RAD51B: variants seen among roughly 807,000 people sequenced by gnomAD.
RAD51B encodes DNA repair protein RAD51 homolog 2.
In RAD51B, 38 loss-of-function variants were observed where a neutral mutation model predicts 42.2. That is an observed-to-expected ratio of 0.90 (90% CI 0.70 to 1.18). The LOEUF is 1.18. RAD51B is among the 50% of genes most tolerant of loss of function. RAD51B has a pLI of 0.00. For synonymous variants in RAD51B, 154 were observed against 145.2 expected, an observed-to-expected ratio of 1.06 and a Z score of -0.43; for missense variants, 373 against 400.7, an observed-to-expected ratio of 0.93 and a Z score of 0.59.
intron 7 of RAD51B, 32 bp downstream of exon 7, chr14:67,887,236 T>C (rs775115775): frequency 6.6e-7 from 1 of 1,526,208 alleles, no homozygotes; most frequent in Admixed American, 1.8e-5. Context: ...TTTTTTCTTT[T>C]CCTTTCTTTT....
intron 4 of RAD51B, among the ~76,000 whole-genome samples, chr14:67,843,692 C>T (rs931848690): frequency 2.7e-5 from 4 of 149,304 alleles, no homozygotes; most frequent in South Asian, 4.2e-4. Flanking sequence ...TCTGTGGGGT[C>T]GATGGAATAT....
chr14:68,259,354 TGAG>T (rs942883616), intron 7 of RAD51B, among the ~76,000 whole-genome samples: 2 of 151,782 alleles, frequency 1.3e-5, no homozygotes, highest in African/African-American at 4.8e-5. Flanking sequence ...TAATGCTAAA[TGAG>T]GAGTTAATGG....
rs535089018 is a variant in RAD51B at position 68,219,718 on chromosome 14, C to T, written c.757-72166C>T. Among the ~76,000 whole-genome samples the T allele has an allele frequency of 3.3e-5, 5 of 152,228 alleles. No individual in the cohort carries two copies. The South Asian group carries it at 8.3e-4, about 25-fold the overall frequency. ...GAATCCCAGATCTTACCTCTGACAT[C>T]GTCTACCCAAATGAGAAGGAACTAG... On this transcript the variant is annotated intron_variant, in intron 7 of 10. Transcript: ENST00000471583.
intron 9 of RAD51B, among the ~76,000 whole-genome samples, chr14:68,421,275 C>T (rs2084691750): frequency 6.6e-6 from 1 of 152,108 alleles, no homozygotes; most frequent in African/African-American, 2.4e-5. Context: ...GAGCATTCGT[C>T]TTCTGGCTGC....
At chr14:68,254,321 G>C (rs1220617398) in intron 7 of RAD51B, among the ~76,000 whole-genome samples, 1 of 152,132 alleles carries the variant, frequency 6.6e-6, no homozygotes, top group Non-Finnish European at 1.5e-5. Flanking sequence ...TCTTGTCCTA[G>C]TTAGCATCAG....
intron 8 of RAD51B, among the ~76,000 whole-genome samples, chr14:68,314,127 C>G (rs928453277): frequency 1.3e-5 from 2 of 152,202 alleles, no homozygotes; most frequent in African/African-American, 4.8e-5. Context: ...GAGTCATTCT[C>G]TCTTCAGAGA....
chr14:68,338,728 T>C, intron 8 of RAD51B: 1 of 402,198 alleles, frequency 2.5e-6, no homozygotes, highest in South Asian at 2.2e-5. Context: ...CAGTGTACAT[T>C]TAACCCAGTT....
At chr14:68,601,613 C>G (rs953501866) in intron 10 of RAD51B, among the ~76,000 whole-genome samples, 1 of 152,156 alleles carries the variant, frequency 6.6e-6, no homozygotes, top group Non-Finnish European at 1.5e-5. Context: ...GAGTTTCATT[C>G]TTCATTCAGA....
At chr14:68,424,325 C>T (rs1409280034) in intron 9 of RAD51B, among the ~76,000 whole-genome samples, 1 of 152,162 alleles carries the variant, frequency 6.6e-6, no homozygotes, top group East Asian at 1.9e-4. Flanking sequence ...AATGAAGATT[C>T]CATCAATGTC....
intron 7 of RAD51B, among the ~76,000 whole-genome samples, chr14:68,201,160 A>AT (rs1405835705): frequency 6.6e-6 from 1 of 152,054 alleles, no homozygotes; most frequent in Non-Finnish European, 1.5e-5. Context: ...TTAAGAGAAA[A>AT]TTTTTTTCTC....
At chr14:68,430,934 T>C (rs536390051) in intron 9 of RAD51B, among the ~76,000 whole-genome samples, 17 of 152,330 alleles carry the variant, frequency 1.1e-4, no homozygotes, top group African/African-American at 4.1e-4. Flanking sequence ...CATCAATACC[T>C]AATTTATTGA....
At chr14:67,989,868 G>T (rs913417071) in intron 7 of RAD51B, among the ~76,000 whole-genome samples, 7 of 152,042 alleles carry the variant, frequency 4.6e-5, no homozygotes, top group Admixed American at 1.3e-4. Flanking sequence ...CCCAATTTAG[G>T]CAGTTTTATT....
chr14:68,177,042 T>G (rs1472567834), intron 7 of RAD51B, among the ~76,000 whole-genome samples: 2 of 152,184 alleles, frequency 1.3e-5, no homozygotes, highest in African/African-American at 2.4e-5. Flanking sequence ...AGTCCTTTTC[T>G]CTAGAGTGTA....
Position 68,197,274 on chromosome 14 carries a change from C to T in RAD51B, c.757-94610C>T, listed in dbSNP as rs150116283. 8.4e-3 allele frequency among the ~76,000 whole-genome samples: 1,275 copies of T among 152,288 alleles called. 17 individuals are homozygous for T. Among genetic ancestry groups the T allele is most frequent in the African/African-American group, 0.029 (1,211 of 41,568 alleles). ...TAGTTTTTCCTGTGCTTGAAACTCACATACGTAGAAATCAAGCACTGATAT... is the reference window on the plus strand; with the variant it reads ...TAGTTTTTCCTGTGCTTGAAACTCATATACGTAGAAATCAAGCACTGATAT... On this transcript the variant is annotated intron_variant, in intron 7 of 10. Transcript: ENST00000471583.
chr14:68,113,474 G>A (rs1036874102), intron 7 of RAD51B, among the ~76,000 whole-genome samples: 4 of 152,064 alleles, frequency 2.6e-5, no homozygotes, highest in African/African-American at 7.2e-5. Context: ...AATGAGGCTG[G>A]TGCAAATAAG....
intron 7 of RAD51B, among the ~76,000 whole-genome samples, chr14:68,165,220 T>C (rs2078724465): frequency 6.6e-6 from 1 of 152,220 alleles, no homozygotes; most frequent in Non-Finnish European, 1.5e-5. Context: ...TCAGATGTTC[T>C]TCTGTATGGA....
intron 7 of RAD51B, among the ~76,000 whole-genome samples, chr14:68,035,375 G>GT (rs3837657): frequency 7.8e-4 from 118 of 151,200 alleles, no homozygotes; most frequent in Admixed American, 1.2e-3. Flanking sequence ...GTGAAGAATT[G>GT]TTTTTTTTTA....
At chr14:67,899,767 A>G (rs1229059479) in intron 7 of RAD51B, among the ~76,000 whole-genome samples, 3 of 152,162 alleles carry the variant, frequency 2.0e-5, no homozygotes, top group Non-Finnish European at 2.9e-5. Flanking sequence ...CATTTTAAAC[A>G]TTTTCCATTT....
At chr14:68,000,320 T>C (rs2075458403) in intron 7 of RAD51B, 1 of 152,168 alleles carries the variant, frequency 6.6e-6, no homozygotes, top group African/African-American at 2.4e-5. Context: ...TTGGGTAACT[T>C]CCATATTTTT....
Sources: allele counts gnomAD v4.1 joint callset (sites outside exome capture counted in the v4.1 genomes callset), GRCh38; gene constraint gnomAD v4.1.1; transcripts MANE v1.5; gene names NCBI Gene and HGNC (gene_info 2026-07-23, HGNC 2026-07-21).